Variants in ITPR2 observed in about 807,000 individuals in gnomAD.
ITPR2 encodes inositol 1,4,5-trisphosphate-gated calcium channel ITPR2.
A neutral mutation model predicts 317.1 loss-of-function variants in ITPR2; 207 were observed. The ratio of observed to expected loss-of-function variants is 0.65; its 90% CI spans 0.58 to 0.73. The LOEUF (loss-of-function observed/expected upper bound fraction) is 0.73. ITPR2 is among the 30% of genes least tolerant of loss of function. ITPR2 has a pLI of 0.00. For synonymous variants in ITPR2, 1,156 were observed against 1,149.1 expected (o/e 1.01, Z -0.12); for missense variants, 2,613 against 3,284.0 (o/e 0.80, Z 4.99).
intron 2 of ITPR2, among the ~76,000 whole-genome samples, chr12:26,753,519 G>A (rs1424347077): frequency 6.6e-6 from 1 of 152,130 alleles, no homozygotes; most frequent in African/African-American, 2.4e-5. Flanking sequence ...GCAGTGTGTG[G>A]ATCTTTCCCT....
chr12:26,471,363 GAAA>G (rs1205619175), intron 45 of ITPR2, among the ~76,000 whole-genome samples: 5 of 152,140 alleles, frequency 3.3e-5, no homozygotes, highest in Non-Finnish European at 7.4e-5. Context: ...CAGAAAGCAA[GAAA>G]AGAATATAAA....
intron 9 of ITPR2, among the ~76,000 whole-genome samples, chr12:26,703,596 A>T (rs1349170967): frequency 6.6e-6 from 1 of 152,180 alleles, no homozygotes. Flanking sequence ...GAAAATAAAA[A>T]TGTCTCTAGA....
chr12:26,561,583 T>A (rs1944819534), intron 35 of ITPR2, among the ~76,000 whole-genome samples, 179 bp downstream of exon 35: 1 of 152,166 alleles, frequency 6.6e-6, no homozygotes, highest in African/African-American at 2.4e-5. Flanking sequence ...CATTAAAAAA[T>A]AACTCACGAC....
intron 13 of ITPR2, among the ~76,000 whole-genome samples, chr12:26,667,942 G>C (rs1947664686): frequency 6.6e-6 from 1 of 152,044 alleles, no homozygotes; most frequent in African/African-American, 2.4e-5. Flanking sequence ...TACATGTAAA[G>C]CCCACCTCTT....
At chr12:26,643,500 T>C (rs945400089) in intron 21 of ITPR2, among the ~76,000 whole-genome samples, 5 of 152,188 alleles carry the variant, frequency 3.3e-5, no homozygotes, top group African/African-American at 1.2e-4. Context: ...AGAGAAAGCA[T>C]GTAGCTCTAA....
intron 37 of ITPR2, among the ~76,000 whole-genome samples, chr12:26,542,136 T>C (rs1944281149): frequency 6.6e-6 from 1 of 152,200 alleles, no homozygotes; most frequent in African/African-American, 2.4e-5. Context: ...CAAAATATTG[T>C]TTAGAACTTT....
At chr12:26,643,009 C>G (rs1489028747) in intron 21 of ITPR2, among the ~76,000 whole-genome samples, 1 of 152,166 alleles carries the variant, frequency 6.6e-6, no homozygotes, top group African/African-American at 2.4e-5. Flanking sequence ...GAAGTAGAAC[C>G]TTTGGGAGGT....
chr12:26,346,050 G>A (rs12228503), intron 55 of ITPR2, among the ~76,000 whole-genome samples: 51,560 of 152,098 alleles, frequency 0.34, 8,888 homozygotes, highest in African/African-American at 0.35. Context: ...CAGGGAAGAT[G>A]TAGGTTAACT....
At chr12:26,807,164 G>C (rs556571640) in intron 1 of ITPR2, among the ~76,000 whole-genome samples, 2 of 151,860 alleles carry the variant, frequency 1.3e-5, no homozygotes, top group Admixed American at 1.3e-4. Context: ...ACTCCGGCCT[G>C]GGTAACAGAG....
At chr12:26,562,137 A>G (rs1225548089) in intron 34 of ITPR2, among the ~76,000 whole-genome samples, 185 bp from the exon 35 acceptor site, 2 of 152,222 alleles carry the variant, frequency 1.3e-5, no homozygotes, top group Non-Finnish European at 2.9e-5. Flanking sequence ...CCAATTAGTA[A>G]AGTGGGTTCA....
At chr12:26,519,268 G>T (rs888868849) in intron 37 of ITPR2, among the ~76,000 whole-genome samples, 1 of 152,116 alleles carries the variant, frequency 6.6e-6, no homozygotes, top group Non-Finnish European at 1.5e-5. Context: ...AAACACACAC[G>T]TGTGTGGGTG....
intron 46 of ITPR2, among the ~76,000 whole-genome samples, chr12:26,442,396 T>C (rs1445929550): frequency 6.6e-6 from 1 of 152,282 alleles, no homozygotes; most frequent in East Asian, 1.9e-4. Flanking sequence ...ATGTACTGAA[T>C]GTGTGTATTT....
At position 26,828,666 on chromosome 12, in the gene ITPR2, G is replaced by A. The variant is rs753521122; in HGVS notation, c.92+4024C>T. On this transcript the variant is annotated intron_variant, in intron 1 of 56. Transcript: ENST00000381340. ...TCAATAGCTGAAACTTTTTCACCCC[G>A]AATTTTAGGAAATTATTTTATTTAT... is the stretch of plus-strand genomic sequence containing the variant. Among the ~76,000 whole-genome samples, 124 of 152,090 alleles carry A rather than the reference G, an allele frequency of 8.2e-4. 1 individual carries two copies. Among genetic ancestry groups the A allele is most frequent in the Non-Finnish European group, 2.1e-4 (14 of 68,018 alleles).
chr12:26,538,417 C>T (rs1256869084), intron 37 of ITPR2, among the ~76,000 whole-genome samples: 1 of 151,990 alleles, frequency 6.6e-6, no homozygotes, highest in Non-Finnish European at 1.5e-5. Context: ...AAAGAAGTGG[C>T]TTGAAAAACT....
chr12:26,682,937 C>T (rs560040213), intron 11 of ITPR2, among the ~76,000 whole-genome samples: 21 of 152,292 alleles, frequency 1.4e-4, no homozygotes, highest in South Asian at 4.1e-4. Context: ...AATACAAATT[C>T]TGAAACTTCA....
Position 26,654,048 on chromosome 12 carries a change from G to C in ITPR2, c.2668C>G (p.Leu890Val). Reference sequence around the variant, plus strand: ...GCCTGTACAATGTCTAAAATAGCCAGAAGTGTTCTTGTTAGCCTTAATAAC... The same window carrying C: ...GCCTGTACAATGTCTAAAATAGCCACAAGTGTTCTTGTTAGCCTTAATAAC... ...SELLRLTRTL[L>V]AILDIVQAPM... Residue 890 changes from leucine (L) to valine (V), a missense_variant, in exon 21 of 57, where the codon CTG becomes GTG. This residue lies in a region of ITPR2 where 817 missense variants were observed against 897.6 expected (regional missense o/e 0.91). Transcript: ENST00000381340. 1 of 1,536,086 alleles carries C rather than the reference G, an allele frequency of 6.5e-7. No individual in the cohort carries two copies. The highest frequency in any genetic ancestry group is 8.8e-7 in the Non-Finnish European group (1 of 1,133,612).
At chr12:26,773,981 A>ATTTTTTTTTTTTTTTTTT (rs34106132) in intron 2 of ITPR2, among the ~76,000 whole-genome samples, 1 of 91,392 alleles carries the variant, frequency 1.1e-5, no homozygotes. Flanking sequence ...CAACTGGAGA[A>ATTTTTTTTTTTTTTTTTT]TTTTTTTTTT....
At chr12:26,790,041 C>G in intron 2 of ITPR2, 116 bp downstream of exon 2, 1 of 728,444 alleles carries the variant, frequency 1.4e-6, no homozygotes. Context: ...TTTCAGTGAA[C>G]ATATTTATAT....
rs1940690673 is a variant in ITPR2, at chr12:26,415,410, A to G, written c.7199T>C (p.Val2400Ala). 6.2e-7 allele frequency: 1 copy of G among 1,612,894 alleles called. No homozygotes were observed. The highest frequency in any genetic ancestry group is 8.5e-7 in the Non-Finnish European group (1 of 1,179,208). The part of the protein sequence containing the change: ...RNGRSIILTA[V>A]LALILVYLFS... ...CAGGTAGACGAGGATGAGAGCCAGG[A>G]CTGCAGTTAGAATAATAGAGCGGCC... Residue 2400 changes from valine to alanine, a missense_variant, in exon 51 of 57, where the codon GTC (valine) becomes GCC (alanine). By Grantham distance (64) the Val-to-Ala change is moderately conservative (BLOSUM62 0). Transcript: ENST00000381340.
Sources: allele counts gnomAD v4.1 joint callset (sites outside exome capture counted in the v4.1 genomes callset), GRCh38; gene constraint gnomAD v4.1.1; regional missense constraint gnomAD v4.1.1; transcripts MANE v1.5; gene names NCBI Gene and HGNC (gene_info 2026-07-23, HGNC 2026-07-21).